BAZ2A: variants seen among roughly 807,000 people sequenced by gnomAD.
The protein encoded by BAZ2A is bromodomain adjacent to zinc finger domain protein 2A.
Under a neutral mutation model 199.9 loss-of-function variants are expected in BAZ2A, and 34 were observed. That is an observed-to-expected ratio of 0.17 (90% confidence interval 0.13 to 0.23). The LOEUF is 0.23. Ranked by LOEUF, BAZ2A falls within the 10% of genes least tolerant of loss-of-function variation. BAZ2A has a pLI of 1.00. For missense variants in BAZ2A, 2,002 were observed against 2,391.1 expected, an observed-to-expected ratio of 0.84 and a Z score of 3.39; for synonymous variants, 857 against 883.9, an observed-to-expected ratio of 0.97 and a Z score of 0.54.
At position 56,600,400 on chromosome 12, in the gene BAZ2A, C is replaced by T; in HGVS notation, c.4693G>A (p.Gly1565Ser). The change falls in exon 24 of 29, where the codon GGT becomes AGT. Residue 1565 changes from glycine (G) to serine (S), a missense_variant. Gly to Ser is a moderately conservative substitution (Grantham distance 56). Around this residue, in one of 6 missense-constraint regions of BAZ2A, gnomAD observed 1,081 missense variants for 1,274.7 expected, o/e 0.85. Transcript: ENST00000549884. ...SDSQEDITWR[G>S]RGREGLAPQR... ...GGTGCCAGTCCCTCCCTGCCCCGAC[C>T]TCGCCAGGTGATATCCTCCTGGGAG... The T allele has an allele frequency of 6.2e-7, 1 of 1,614,052 alleles. No individual in the cohort carries two copies. The highest frequency in any genetic ancestry group is 2.2e-5 in the East Asian group (1 of 44,886).
chr12:56,633,888 A>G (rs765491990), upstream of BAZ2A, among the ~76,000 whole-genome samples: 2 of 152,086 alleles, frequency 1.3e-5, no homozygotes, highest in South Asian at 2.1e-4. Context: ...ACACGCCACC[A>G]CGACTGGCTA....
chr12:56,629,721 C>T lies in BAZ2A; in HGVS notation c.-3+404G>A, dbSNP rs987308975. On this transcript the variant is annotated intron_variant, in intron 1 of 28. Coordinates refer to ENST00000549884, the MANE Select transcript of BAZ2A (RefSeq NM_001300905.2). ...CCGCAAACGGAGCGTTTTAACCCGC[C>T]AAGGGAACCCCCTCACCCACCCCTC... Among the ~76,000 whole-genome samples the T allele has an allele frequency of 1.4e-4, 21 of 152,192 alleles. 1 individual carries two copies. The highest frequency in any genetic ancestry group is 1.3e-3 in the Admixed American group (20 of 15,292).
At chr12:56,614,231 GT>G in intron 3 of BAZ2A, 93 bp from the exon 4 acceptor site, 1 of 1,293,912 alleles carries the variant, frequency 7.7e-7, no homozygotes, top group South Asian at 1.3e-5. Context: ...CTAGAAGGAT[GT>G]TCATTCATTC....
intron 1 of BAZ2A, among the ~76,000 whole-genome samples, chr12:56,618,210 T>C (rs889039638): frequency 6.6e-5 from 10 of 152,246 alleles, no homozygotes; most frequent in Non-Finnish European, 1.2e-4. Flanking sequence ...CAGTGGAAAA[T>C]TGATTAAATA....
rs1950289176 is a variant in BAZ2A at position 56,604,704 on chromosome 12, T to TAC, written c.2842_2843dup (p.Glu949Ter). 1 of 1,613,616 alleles carries TAC rather than the reference T, an allele frequency of 6.2e-7. No homozygotes were observed. Among genetic ancestry groups the TAC allele is most frequent in the African/African-American group, 1.3e-5 (1 of 74,932 alleles). ...GCAGGCGGTCACAGAGGGCTGGCTC[T>TAC]ACTCCATATGCCATAAGGAAGCAGC... On this transcript the variant is annotated frameshift_variant, in exon 15 of 29. Transcript: ENST00000549884. LOFTEE classifies it high-confidence loss of function.
In BAZ2A at chr12:56,614,069, A is replaced by G; in HGVS notation, c.800T>C (p.Leu267Pro). The G allele has an allele frequency of 6.2e-7, 1 of 1,614,040 alleles. No homozygotes were observed. The highest frequency in any genetic ancestry group is 8.5e-7 in the Non-Finnish European group (1 of 1,179,872). ...ACAGCTCACTGTGGGGTCAGGGACC[A>G]GGACTGAGACCTCTTGGTGTAACGA... The part of the protein sequence containing the change: ...VESLHQEVSV[L>P]VPDPTVSCLD... Residue 267 changes from leucine to proline, a missense_variant, in exon 4 of 29, where the codon CTG becomes CCG. Physicochemically the swap from Leu to Pro is moderately conservative, Grantham distance 98. Coordinates refer to ENST00000549884, the MANE Select transcript of BAZ2A (RefSeq NM_001300905.2).
At chr12:56,630,425 G>T (rs1409814341), upstream of BAZ2A, 6 of 361,296 alleles carry the variant, frequency 1.7e-5, no homozygotes, top group Admixed American at 1.3e-4. Flanking sequence ...CCATCTTTCC[G>T]ACCCGGACCT....
chr12:56,626,734 T>G (rs1422672595), intron 1 of BAZ2A, among the ~76,000 whole-genome samples: 1 of 152,242 alleles, frequency 6.6e-6, no homozygotes, highest in African/African-American at 2.4e-5. Flanking sequence ...CTTTTAAAAG[T>G]CCAAAGACTC....
In BAZ2A at chr12:56,601,927, C is replaced by T; in HGVS notation, c.3690G>A (p.Gln1230=). The part of the protein sequence containing the change: ...QPEAQLHAPA[Q]PQPQLQLQLQ... ...GCTGAAGCTGAAGCTGAGGCTGGGG[C>T]TGGGCAGGAGCATGAAGCTGAGCCT... is the stretch of plus-strand genomic sequence containing the variant. The change falls in exon 20 of 29, where the codon CAG becomes CAA. Residue 1230 remains glutamine, a synonymous_variant. Transcript: ENST00000549884. The T allele has an allele frequency of 6.3e-7, 1 of 1,589,014 alleles. No homozygotes were observed.
At chr12:56,619,022 C>T (rs571751969) in intron 1 of BAZ2A, among the ~76,000 whole-genome samples, 33 of 151,970 alleles carry the variant, frequency 2.2e-4, no homozygotes, top group Admixed American at 4.6e-4. Context: ...ATGGCGAGAA[C>T]CGATCTCTAC....
chr12:56,605,619 G>T, intron 13 of BAZ2A: 1 of 632,470 alleles, frequency 1.6e-6, no homozygotes, highest in Non-Finnish European at 2.7e-6. Context: ...ATGAGGTCTC[G>T]CCATGTTGCC....
chr12:56,628,895 A>G (rs1239328348), intron 1 of BAZ2A, among the ~76,000 whole-genome samples: 1 of 152,108 alleles, frequency 6.6e-6, no homozygotes, highest in East Asian at 1.9e-4. Flanking sequence ...TAGATAACTG[A>G]GTTTGCTTCT....
At chr12:56,627,714 T>C (rs1020903677) in intron 1 of BAZ2A, among the ~76,000 whole-genome samples, 1 of 150,172 alleles carries the variant, frequency 6.7e-6, no homozygotes, top group Non-Finnish European at 1.5e-5. Context: ...TGGTCCCAGC[T>C]ACTCAGGGGG....
In BAZ2A at chr12:56,613,034, T is replaced by G; in HGVS notation, c.1116A>C (p.Leu372=). The stretch of plus-strand genomic sequence containing the variant: ...ACTTACCTTGCAGGACAGACTCCCC[T>G]AGGACAGGTGGAGAGGTGGGACTGG... The part of the protein sequence containing the change: ...IFASPTSPPV[L]GESVLQDNSF... The change falls in exon 5 of 29, where the codon CTA becomes CTC. Residue 372 remains leucine, a synonymous_variant. Transcript: ENST00000549884. 1 of 1,613,426 alleles carries G rather than the reference T, an allele frequency of 6.2e-7. No individual in the cohort carries two copies. The highest frequency in any genetic ancestry group is 8.5e-7 in the Non-Finnish European group (1 of 1,179,602).
In BAZ2A at chr12:56,596,343, G is replaced by A. The variant is rs1181734578; in HGVS notation, c.*2275C>T. On this transcript the variant is annotated 3_prime_UTR_variant, in exon 29 of 29. Transcript: ENST00000549884. ...AAGAGAAAATCCACCTAGCTCAAGG[G>A]GGCAGTGAAGATGAGGAAAGAAAAG... is the stretch of plus-strand genomic sequence containing the variant. The A allele has an allele frequency of 4.2e-5, 1 of 23,694 alleles. No individual in the cohort carries two copies. Among genetic ancestry groups the A allele is most frequent in the Non-Finnish European group, 1.2e-4 (1 of 8,562 alleles). 1.5% of individuals were successfully genotyped at this position (23,694 alleles called of 1,614,324 possible).
intron 9 of BAZ2A, 58 bp from the exon 10 acceptor site, chr12:56,610,004 C>T: frequency 6.2e-7 from 1 of 1,604,918 alleles, no homozygotes; most frequent in South Asian, 1.1e-5. Flanking sequence ...CCACGAGGCC[C>T]TCGGAACCAT....
At chr12:56,605,778 TA>T in intron 13 of BAZ2A, 51 bp downstream of exon 13, 4 of 1,454,050 alleles carry the variant, frequency 2.8e-6, no homozygotes, top group Non-Finnish European at 3.7e-6. Flanking sequence ...TTTTTTTTTT[TA>T]AAGGAAAGTC....
Position 56,610,201 on chromosome 12 carries a change from G to A in BAZ2A, c.1794C>T (p.Asn598=), listed in dbSNP as rs1176620003. ...FPEVIKYLSR[N]VVHSVRREHF... ...GCTCTCGGCGGACACTGTGTACCAC[G>A]TTGCGGCTCAGGTACTAAGAGGAAG... is the stretch of plus-strand genomic sequence containing the variant. The change falls in exon 9 of 29, where the codon AAC becomes AAT. Residue 598 remains asparagine, a synonymous_variant. Transcript: ENST00000549884. 3.1e-6 allele frequency: 5 copies of A among 1,613,910 alleles called. No homozygotes were observed. The highest frequency in any genetic ancestry group is 2.2e-5 in the South Asian group (2 of 91,074).
In BAZ2A at chr12:56,600,703, A is replaced by G. The variant is rs1385482283; in HGVS notation, c.4580T>C (p.Ile1527Thr). The G allele has an allele frequency of 6.2e-7, 1 of 1,613,306 alleles. No individual in the cohort carries two copies. Among genetic ancestry groups the G allele is most frequent in the Non-Finnish European group, 8.5e-7 (1 of 1,179,812 alleles). The change falls in exon 23 of 29, where the codon ATC becomes ACC. Residue 1527 changes from isoleucine (I) to threonine (T), a missense_variant. Ile to Thr is a moderately conservative substitution (Grantham distance 89, BLOSUM62 -1). Transcript: ENST00000549884. ...QWVEELEQRV[I>T]MSDLQIRGWT... ...TACCCGAATCTGCAGATCAGACATG[A>G]TAACCCGCTGCTCCAGCTCCTCTAC...
Sources: gnomAD v4.1 joint callset for allele counts (sites outside exome capture counted in the v4.1 genomes callset) on GRCh38, gnomAD v4.1.1 for gene constraint, gnomAD v4.1.1 regional missense constraint, MANE v1.5 for transcripts, NCBI Gene and HGNC (gene_info 2026-07-23, HGNC 2026-07-21) for gene names.